DVL1: variants seen among roughly 807,000 people sequenced by gnomAD.
DVL1 encodes the protein segment polarity protein dishevelled homolog DVL-1.
Under a neutral mutation model 65.0 loss-of-function variants are expected in DVL1, and 49 were observed. The ratio of observed to expected loss-of-function variants is 0.75; its 90% CI spans 0.60 to 0.96. The LOEUF (loss-of-function observed/expected upper bound fraction) is 0.96, where lower values mean the gene tolerates loss of function less well. DVL1 is among the 40% of genes least tolerant of loss of function. DVL1 has a pLI of 0.00. For synonymous variants in DVL1, 608 were observed against 433.9 expected, an observed-to-expected ratio of 1.40 and a Z score of -4.99; for missense variants, 1,197 against 1,045.4, an observed-to-expected ratio of 1.15 and a Z score of -2.00.
rs1237549470 is a variant in DVL1, at chr1:1,338,136, G to C, written c.1555C>G (p.Gln519Glu). The change falls in exon 14 of 15, where the codon CAG (glutamine) becomes GAG (glutamate). Residue 519 changes from glutamine to glutamate, a missense_variant. Gln to Glu is a conservative substitution (Grantham distance 29). Coordinates refer to ENST00000378888, the MANE Select transcript of DVL1 (RefSeq NM_001330311.2). ...TGGGGCAGCGGGGCCAGCGTGTCCT[G>C]ATCCGAAGTCCCACTGGAGCCACTG... ...LNSGSSGTSD[Q>E]DTLAPLPHPA... is the part of the protein sequence containing the mutation. 3 of 1,609,392 alleles carry C rather than the reference G, an allele frequency of 1.9e-6. No homozygotes were observed. Among genetic ancestry groups the C allele is most frequent in the Non-Finnish European group, 2.5e-6 (3 of 1,178,564 alleles).
rs1442604941 is a variant in DVL1, at chr1:1,342,688, C to T, written c.240+1G>A. 2 of 1,612,912 alleles carry T rather than the reference C, an allele frequency of 1.2e-6. No homozygotes were observed. The highest frequency in any genetic ancestry group is 1.7e-6 in the Non-Finnish European group (2 of 1,179,698). ...TTCGGGGCCAAGACACAGGGGCTCA[C>T]CCAGGAGACCACGCGGCCGTTGAAG... is the stretch of plus-strand genomic sequence containing the variant. On this transcript the variant is annotated splice_donor_variant, in intron 2 of 14. Transcript: ENST00000378888. LOFTEE classifies it high-confidence loss of function.
chr1:1,337,114 C>A, intron 14 of DVL1: 1 of 988,142 alleles, frequency 1.0e-6, no homozygotes, highest in Non-Finnish European at 1.2e-6. Flanking sequence ...CTGGCACCTG[C>A]CCAGCACCCA....
chr1:1,346,526 G>C (rs1370676956), intron 1 of DVL1, among the ~76,000 whole-genome samples: 3 of 152,202 alleles, frequency 2.0e-5, no homozygotes, highest in Non-Finnish European at 2.9e-5. Flanking sequence ...CCTCCTCCCA[G>C]CCCTGGGGAT....
chr1:1,347,900 T>C (rs1427599992), intron 1 of DVL1, among the ~76,000 whole-genome samples: 2 of 152,188 alleles, frequency 1.3e-5, no homozygotes, highest in African/African-American at 4.8e-5. Flanking sequence ...TAGATGTCCC[T>C]TGGGCCCCCC....
chr1:1,341,627 G>A (rs540471679), intron 5 of DVL1, 40 bp downstream of exon 5: 20 of 1,564,530 alleles, frequency 1.3e-5, no homozygotes, highest in South Asian at 1.3e-4. Flanking sequence ...ATTTGCAAGT[G>A]GGCACACAGG....
Position 1,338,623 on chromosome 1 carries a change from C to T in DVL1, c.1238G>A (p.Ser413Asn). The T allele has an allele frequency of 6.2e-7, 1 of 1,611,726 alleles. No individual in the cohort carries two copies. The highest frequency in any genetic ancestry group is 8.5e-7 in the Non-Finnish European group (1 of 1,179,834). Residue 413 changes from serine (S) to asparagine (N), a missense_variant, in exon 12 of 15, where the codon AGT becomes AAT. Transcript: ENST00000378888. ...QLEEAPLTVK[S>N]DMSAVVRVMQ... is the part of the protein sequence containing the mutation. The stretch of plus-strand genomic sequence containing the variant: ...GACCCGGACGACGGCGCTCATGTCA[C>T]TCTTCACCGTCAGCGGCGCCTCTTC...
Position 1,338,203 on chromosome 1 carries a change from G to A in DVL1, c.1508-20C>T, listed in dbSNP as rs1450620292. ...CGAGATCTGGCGGGGGAGGGTAGGT[G>A]AGGGCCGCGGAGGGGCCTCCGGCGT... On this transcript the variant is annotated intron_variant, in intron 13 of 14. Coordinates refer to ENST00000378888, the MANE Select transcript of DVL1 (RefSeq NM_001330311.2). 6.3e-7 allele frequency: 1 copy of A among 1,593,914 alleles called. No homozygotes were observed. The highest frequency in any genetic ancestry group is 1.3e-5 in the African/African-American group (1 of 74,660).
intron 3 of DVL1, 98 bp from the exon 4 acceptor site, chr1:1,342,254 G>A (rs1356209823): frequency 2.4e-5 from 36 of 1,496,360 alleles, no homozygotes; most frequent in Non-Finnish European, 3.0e-5. Flanking sequence ...CCCAGCCCCA[G>A]CAGGTGCCAC....
At chr1:1,340,861 CCCTGCGCACAGGCACACATGCACA>C (rs1362958561) in intron 5 of DVL1, among the ~76,000 whole-genome samples, 1 of 138,988 alleles carries the variant, frequency 7.2e-6, no homozygotes, top group East Asian at 2.2e-4. Context: ...ACACATGCAC[CCCTGCGCACAGGCACACATGCACA>C]CCCCTGCACA....
chr1:1,336,545 C>G (rs1231510752), intron 14 of DVL1, 30 bp from the exon 15 acceptor site: 4 of 1,485,110 alleles, frequency 2.7e-6, no homozygotes, highest in East Asian at 2.4e-5. Flanking sequence ...GGGGAAGGAG[C>G]CTGTCAGCAC....
chr1:1,341,392 CAG>C (rs1643820789), intron 5 of DVL1, among the ~76,000 whole-genome samples: 1 of 152,192 alleles, frequency 6.6e-6, no homozygotes, highest in Non-Finnish European at 1.5e-5. Flanking sequence ...ACGCCTCACA[CAG>C]ACACACATGC....
chr1:1,347,001 C>T (rs1384217320), intron 1 of DVL1, among the ~76,000 whole-genome samples: 1 of 152,176 alleles, frequency 6.6e-6, no homozygotes, highest in Non-Finnish European at 1.5e-5. Flanking sequence ...GCGGGTAGAA[C>T]TCAGGGGAAG....
chr1:1,336,251 C>T lies in DVL1; in HGVS notation c.1979G>A (p.Gly660Glu). Residue 660 changes from glycine (G) to glutamate (E), a missense_variant, in exon 15 of 15, where the codon GGA becomes GAA. By Grantham distance (98) the Gly-to-Glu change is moderately conservative (BLOSUM62 -2). Transcript: ENST00000378888. ...GGCAGCCAGCTCCCGGACAGGGGGT[C>T]CCCCGGGTGGCCCCCCCACCACTGT... ...AYTVVGGPPG[G>E]PPVRELAAVP... 6.4e-7 allele frequency: 1 copy of T among 1,558,718 alleles called. No individual in the cohort carries two copies.
intron 1 of DVL1, among the ~76,000 whole-genome samples, chr1:1,345,548 C>A (rs1025183993): frequency 6.6e-6 from 1 of 152,178 alleles, no homozygotes; most frequent in Non-Finnish European, 1.5e-5. Context: ...CTGCCAGGGG[C>A]GCCCCTGCCG....
At position 1,337,947 on chromosome 1, in the gene DVL1, G is replaced by A. The variant is rs978008683; in HGVS notation, c.1714+30C>T. On this transcript the variant is annotated intron_variant, in intron 14 of 14. Transcript: ENST00000378888. ...TGGGGCGGAGCTGGGGGCGGAGCCG[G>A]GGAAGGGCAGGTAGGGGCGGCGTTC... 6.9e-6 allele frequency: 11 copies of A among 1,588,876 alleles called. No homozygotes were observed. In the East Asian group the frequency reaches 9.0e-5, roughly 13 times the overall value.
At chr1:1,338,229 T>TGGGCCCCCC in intron 13 of DVL1, 40 bp downstream of exon 13, 49 of 1,522,060 alleles carry the variant, frequency 3.2e-5, no homozygotes, top group Non-Finnish European at 4.3e-5. Flanking sequence ...CCTCCGGCGT[T>TGGGCCCCCC]CCCCTCCCCC....
rs1336850278 is a variant in DVL1 at position 1,342,080 on chromosome 1, G to A, written c.439C>T (p.Arg147Cys). Reference sequence around the variant, plus strand: ...TCCTCGCGGTTCCGGCGTCGGGCACGCTCCCGCCGGTGACTGACCATGGAC... The same window carrying A: ...TCCTCGCGGTTCCGGCGTCGGGCACACTCCCGCCGGTGACTGACCATGGAC... ...TESMVSHRRE[R>C]ARRRNREEAA... Residue 147 changes from arginine to cysteine, a missense_variant, in exon 4 of 15, where the codon CGT becomes TGT. Transcript: ENST00000378888. 2.6e-5 allele frequency: 41 copies of A among 1,585,612 alleles called. No homozygotes were observed. Among genetic ancestry groups the A allele is most frequent in the Admixed American group, 8.9e-5 (5 of 56,078 alleles).
At chr1:1,341,635 A>G (rs1643833754) in intron 5 of DVL1, 32 bp downstream of exon 5, 2 of 1,570,746 alleles carry the variant, frequency 1.3e-6, no homozygotes, top group African/African-American at 2.7e-5. Flanking sequence ...GTGGGCACAC[A>G]GGCATACACG....
At position 1,340,269 on chromosome 1, in the gene DVL1, G is replaced by A. The variant is rs147684126; in HGVS notation, c.747C>T (p.Ile249=). 290 of 1,614,008 alleles carry A rather than the reference G, an allele frequency of 1.8e-4. 1 individual carries two copies. Among genetic ancestry groups the A allele is most frequent in the South Asian group, 7.2e-4 (66 of 91,084 alleles). Residue 249 remains isoleucine (I), a synonymous_variant, in exon 7 of 15, where the codon ATC becomes ATT. Transcript: ENST00000378888. ...SITDSTMSLN[I]VTVTLNMERH... is the part of the protein sequence containing the mutation. ...CACCCATGTTGAGCGTGACAGTGAC[G>A]ATGTTGAGGGACATGGTGGAGTCGG... is the stretch of plus-strand genomic sequence containing the variant.
Sources: gnomAD v4.1 joint callset for allele counts (sites outside exome capture counted in the v4.1 genomes callset) on GRCh38, gnomAD v4.1.1 for gene constraint, MANE v1.5 for transcripts, NCBI Gene and HGNC (gene_info 2026-07-23, HGNC 2026-07-21) for gene names.